Variants in IL34 observed in about 807,000 individuals in gnomAD.
IL34 encodes the protein interleukin-34.
IL34 carries 17 observed loss-of-function variants against 25.3 expected under a neutral mutation model. That is an observed-to-expected ratio of 0.67 (90% CI 0.46 to 1.01). IL34 has a LOEUF of 1.01. IL34 is among the 50% of genes least tolerant of loss of function. The pLI is 0.00. For synonymous variants in IL34, 174 were observed against 140.9 expected, an observed-to-expected ratio of 1.23 and a Z score of -1.66; for missense variants, 368 against 312.9, an observed-to-expected ratio of 1.18 and a Z score of -1.33.
At chr16:70,634,373 A>G (rs112268199) in intron 1 of IL34, among the ~76,000 whole-genome samples, 7,298 of 152,124 alleles carry the variant, frequency 0.048, 478 homozygotes, top group African/African-American at 0.14. Context: ...CACCACTCTA[A>G]CAAAGAAGAG....
rs1277181144 is a variant in IL34 at position 70,640,521 on chromosome 16, C to G, written c.-400-6027C>G. Among the ~76,000 whole-genome samples the G allele has an allele frequency of 4.0e-5, 6 of 151,006 alleles. 1 individual carries two copies. Among genetic ancestry groups the G allele is most frequent in the African/African-American group, 1.5e-4 (6 of 41,114 alleles). On this transcript the variant is annotated intron_variant, in intron 1 of 6. Coordinates refer to the IL34 transcript ENST00000429149. ...TGCCTGTAATCCCAGCTACTTGGGA[C>G]GCTGAGGCAGGAGAATCTCTTGAAC...
chr16:70,656,852 G>A (rs748698856), intron 3 of IL34, 108 bp from the exon 4 acceptor site: 70 of 1,282,270 alleles, frequency 5.5e-5, no homozygotes, highest in Non-Finnish European at 7.4e-5. Context: ...TGTCCACAGC[G>A]GACGGCCCGC....
chr16:70,639,024 C>T (rs145735110), intron 1 of IL34, among the ~76,000 whole-genome samples: 158 of 152,276 alleles, frequency 1.0e-3, no homozygotes, highest in African/African-American at 3.7e-3. Flanking sequence ...CTGACTAAGG[C>T]GTTGCCCTGT....
intron 1 of IL34, among the ~76,000 whole-genome samples, chr16:70,596,051 G>A (rs1032658464): frequency 6.6e-6 from 1 of 151,532 alleles, no homozygotes; most frequent in Non-Finnish European, 1.5e-5. Flanking sequence ...TGGGAGGCTT[G>A]TAAACAACAG....
intron 1 of IL34, among the ~76,000 whole-genome samples, chr16:70,595,382 G>T (rs1009757692): frequency 6.6e-5 from 10 of 151,738 alleles, no homozygotes; most frequent in Non-Finnish European, 1.5e-4. Context: ...ACCCTGGCTG[G>T]AGTACATGAC....
intron 1 of IL34, among the ~76,000 whole-genome samples, chr16:70,621,420 G>T (rs569569391): frequency 6.6e-6 from 1 of 151,826 alleles, no homozygotes; most frequent in East Asian, 1.9e-4. Flanking sequence ...AAGTGGTTGA[G>T]GGACAGTGAG....
chr16:70,629,534 C>T (rs1045440254), intron 1 of IL34, among the ~76,000 whole-genome samples: 1 of 152,284 alleles, frequency 6.6e-6, no homozygotes, highest in Non-Finnish European at 1.5e-5. Context: ...AACCTACTTA[C>T]ACCCTCCTGT....
At chr16:70,605,972 T>G (rs1424937633) in intron 1 of IL34, among the ~76,000 whole-genome samples, 15 of 115,164 alleles carry the variant, frequency 1.3e-4, no homozygotes, top group African/African-American at 4.2e-5. Context: ...GCACCTGGTT[T>G]TTTTTTTTTT....
At chr16:70,650,888 G>A (rs2052061147) in intron 1 of IL34, among the ~76,000 whole-genome samples, 1 of 152,210 alleles carries the variant, frequency 6.6e-6, no homozygotes, top group South Asian at 2.1e-4. Context: ...CACATGTGAA[G>A]TTCTCAGCAC....
intron 1 of IL34, among the ~76,000 whole-genome samples, chr16:70,635,679 C>G (rs1197505643): frequency 6.6e-6 from 1 of 152,180 alleles, no homozygotes; most frequent in Non-Finnish European, 1.5e-5. Context: ...AAGTATTTTG[C>G]TCACAGACCT....
At chr16:70,658,063 C>A (rs954613414) in intron 4 of IL34, among the ~76,000 whole-genome samples, 2 of 152,206 alleles carry the variant, frequency 1.3e-5, no homozygotes, top group African/African-American at 4.8e-5. Context: ...CTCCCCGTCT[C>A]CACCAGACCT....
chr16:70,655,717 T>A (rs13338169), intron 2 of IL34, among the ~76,000 whole-genome samples: 11,191 of 151,934 alleles, frequency 0.074, 1,313 homozygotes, highest in African/African-American at 0.25. Flanking sequence ...ATTAATTAAT[T>A]TAATTTTTAG....
At chr16:70,625,344 G>A (rs561939424) in intron 1 of IL34, among the ~76,000 whole-genome samples, 17 of 152,114 alleles carry the variant, frequency 1.1e-4, no homozygotes, top group East Asian at 5.8e-4. Flanking sequence ...GGGGGTCGGG[G>A]CATGGAAATA....
rs144023579 is a variant in IL34 at position 70,613,853 on chromosome 16, G to T, written c.-400-32695G>T. Among the ~76,000 whole-genome samples, 7 of 145,456 alleles carry T rather than the reference G, an allele frequency of 4.8e-5. 1 individual carries two copies. In the East Asian group the frequency reaches 1.4e-3, roughly 30 times the overall value. ...TGCGCCACTGTACTCCAGCCTGGGTGACAGAGTGAGACTCTGTCTCAGGAA... is the reference window on the plus strand; with the variant it reads ...TGCGCCACTGTACTCCAGCCTGGGTTACAGAGTGAGACTCTGTCTCAGGAA... On this transcript the variant is annotated intron_variant, in intron 1 of 6. Coordinates refer to the IL34 transcript ENST00000429149.
intron 1 of IL34, among the ~76,000 whole-genome samples, chr16:70,613,633 G>A (rs1481164514): frequency 6.6e-6 from 1 of 152,044 alleles, no homozygotes; most frequent in East Asian, 1.9e-4. Flanking sequence ...CAACACTTTG[G>A]GAGGCTGCGG....
At chr16:70,621,577 G>A (rs2051283115) in intron 1 of IL34, among the ~76,000 whole-genome samples, 2 of 152,092 alleles carry the variant, frequency 1.3e-5, no homozygotes, top group African/African-American at 4.8e-5. Context: ...ATCTCCCAAG[G>A]GAGGTCCCCC....
chr16:70,638,434 C>CA (rs141709731), intron 1 of IL34, among the ~76,000 whole-genome samples: 13,245 of 141,458 alleles, frequency 0.094, 666 homozygotes, highest in South Asian at 0.19. Context: ...AAGATCCTAT[C>CA]AAAAAAAAAA....
At chr16:70,636,614 C>T (rs2051653256) in intron 1 of IL34, among the ~76,000 whole-genome samples, 1 of 151,404 alleles carries the variant, frequency 6.6e-6, no homozygotes, top group Non-Finnish European at 1.5e-5. Context: ...CACACACACA[C>T]ACACACACAC....
intron 1 of IL34, among the ~76,000 whole-genome samples, chr16:70,653,318 G>A (rs1053802871): frequency 1.4e-5 from 2 of 145,554 alleles, no homozygotes; most frequent in African/African-American, 2.6e-5. Flanking sequence ...TTTCAGACAA[G>A]CCTGGGCAAC....
Sources: allele counts gnomAD v4.1 joint callset (sites outside exome capture counted in the v4.1 genomes callset), GRCh38; gene constraint gnomAD v4.1.1; transcripts MANE v1.5; gene names NCBI Gene and HGNC (gene_info 2026-07-23, HGNC 2026-07-21).